MAP2: variants seen among roughly 807,000 people sequenced by gnomAD.
The protein encoded by MAP2 is microtubule associated protein 2, also known as microtubule-associated protein 2.
In MAP2, 14 loss-of-function variants were observed where a neutral mutation model predicts 137.6. The ratio of observed to expected loss-of-function variants is 0.10; its 90% confidence interval spans 0.07 to 0.16. The LOEUF is 0.16. Ranked by LOEUF, MAP2 falls within the 10% of genes least tolerant of loss-of-function variation. The pLI is 1.00. For missense variants in MAP2, 2,088 were observed against 2,191.5 expected (o/e 0.95, Z 0.94); for synonymous variants, 786 against 782.3 (o/e 1.00, Z -0.08).
intron 3 of MAP2, among the ~76,000 whole-genome samples, chr2:209,621,693 T>C (rs2091246493): frequency 6.6e-6 from 1 of 152,228 alleles, no homozygotes; most frequent in African/African-American, 2.4e-5. Context: ...TTGATGACTT[T>C]GTTGTTTAAT....
intron 1 of MAP2, among the ~76,000 whole-genome samples, chr2:209,466,071 G>A (rs368055809): frequency 5.3e-5 from 8 of 152,234 alleles, no homozygotes; most frequent in East Asian, 1.9e-4. Flanking sequence ...AACATTGAGC[G>A]GGCTGGTTTG....
chr2:209,703,096 AT>A lies in MAP2; in HGVS notation c.4585-2479del, dbSNP rs577869185. On this transcript the variant is annotated intron_variant, in intron 11 of 15. Transcript: ENST00000682079. ...ATCAACACCTGTAAATTAAGTCGTG[AT>A]TTTTATTGGCCATCTTTTCAGTCCT... Among the ~76,000 whole-genome samples the A allele has an allele frequency of 4.1e-3, 626 of 152,170 alleles. 11 individuals carry two copies. The highest frequency in any genetic ancestry group is 0.018 in the Admixed American group (282 of 15,252).
chr2:209,634,115 T>G (rs1017245535), intron 4 of MAP2, among the ~76,000 whole-genome samples: 1 of 152,136 alleles, frequency 6.6e-6, no homozygotes, highest in Non-Finnish European at 1.5e-5. Context: ...TGCAGGAAAT[T>G]CTTTCCTCAA....
At chr2:209,601,439 G>C (rs955050085) in intron 3 of MAP2, among the ~76,000 whole-genome samples, 1 of 151,964 alleles carries the variant, frequency 6.6e-6, no homozygotes, top group Non-Finnish European at 1.5e-5. Flanking sequence ...TTTTTAACTA[G>C]AGAGAAAAAT....
chr2:209,699,538 T>C (rs910669302), intron 10 of MAP2, among the ~76,000 whole-genome samples: 2 of 152,062 alleles, frequency 1.3e-5, no homozygotes, highest in African/African-American at 4.8e-5. Flanking sequence ...GATAATGGAG[T>C]TTAAAATTGA....
intron 4 of MAP2, among the ~76,000 whole-genome samples, chr2:209,650,943 G>A (rs188152568): frequency 6.6e-6 from 1 of 152,212 alleles, no homozygotes; most frequent in East Asian, 1.9e-4. Flanking sequence ...TCTTAATTAA[G>A]CTCTTTGGTA....
intron 2 of MAP2, among the ~76,000 whole-genome samples, chr2:209,574,594 C>A (rs533857213): frequency 6.6e-6 from 1 of 152,154 alleles, no homozygotes; most frequent in Non-Finnish European, 1.5e-5. Context: ...TACCCAATCC[C>A]GCATCCATGT....
At chr2:209,424,823 AAAAT>A in intron 1 of MAP2, among the ~76,000 whole-genome samples, 1 of 152,174 alleles carries the variant, frequency 6.6e-6, no homozygotes, top group Non-Finnish European at 1.5e-5. Flanking sequence ...AGGAAAATGA[AAAAT>A]AAATGCCTGG....
At chr2:209,657,577 T>G (rs954766837) in intron 5 of MAP2, among the ~76,000 whole-genome samples, 1 of 152,228 alleles carries the variant, frequency 6.6e-6, no homozygotes, top group African/African-American at 2.4e-5. Flanking sequence ...TTTGTGCATC[T>G]TCTTTTGAGA....
intron 1 of MAP2, among the ~76,000 whole-genome samples, chr2:209,490,574 A>C (rs1311352747): frequency 7.8e-6 from 1 of 127,590 alleles, no homozygotes; most frequent in Non-Finnish European, 1.6e-5. Flanking sequence ...AAATAAAGGG[A>C]TGGAGGAAGA....
chr2:209,667,517 CTGTACATGAAATACTGACAT>C (rs1238324069), intron 5 of MAP2, among the ~76,000 whole-genome samples: 1 of 151,794 alleles, frequency 6.6e-6, no homozygotes, highest in Non-Finnish European at 1.5e-5. Flanking sequence ...ATCAGGGCTC[CTGTACATGAAATACTGACAT>C]TGTAATTTCA....
At chr2:209,537,620 A>G (rs2066186973) in intron 2 of MAP2, among the ~76,000 whole-genome samples, 1 of 152,202 alleles carries the variant, frequency 6.6e-6, no homozygotes, top group African/African-American at 2.4e-5. Context: ...TACAGCCTTC[A>G]TCATCATTTA....
At chr2:209,465,720 A>C (rs559549325) in intron 1 of MAP2, among the ~76,000 whole-genome samples, 31 of 152,280 alleles carry the variant, frequency 2.0e-4, no homozygotes, top group Non-Finnish European at 4.1e-4. Flanking sequence ...TAGACTCCAT[A>C]GGAGTCTAAA....
At chr2:209,548,418 C>T (rs1305045234) in intron 2 of MAP2, among the ~76,000 whole-genome samples, 2 of 152,176 alleles carry the variant, frequency 1.3e-5, no homozygotes, top group Non-Finnish European at 2.9e-5. Flanking sequence ...ATTCTATCTT[C>T]TTTCTAAATA....
intron 4 of MAP2, among the ~76,000 whole-genome samples, chr2:209,630,532 A>G (rs2092890368): frequency 6.6e-6 from 1 of 152,152 alleles, no homozygotes; most frequent in Non-Finnish European, 1.5e-5. Flanking sequence ...TCCTATACCT[A>G]TGGGTGGGAA....
chr2:209,604,097 T>A (rs2083849938), intron 3 of MAP2, among the ~76,000 whole-genome samples: 1 of 152,166 alleles, frequency 6.6e-6, no homozygotes, highest in Non-Finnish European at 1.5e-5. Flanking sequence ...TCCATGAGAT[T>A]CACTGGATCT....
intron 2 of MAP2, among the ~76,000 whole-genome samples, chr2:209,560,502 T>G (rs564632626): frequency 5.4e-5 from 8 of 148,984 alleles, no homozygotes; most frequent in Admixed American, 3.4e-4. Flanking sequence ...TTTTTTGAGA[T>G]AGGGTGTCAT....
At chr2:209,540,938 C>G (rs935866486) in intron 2 of MAP2, among the ~76,000 whole-genome samples, 1 of 150,954 alleles carries the variant, frequency 6.6e-6, no homozygotes, top group African/African-American at 2.5e-5. Context: ...ACAATAGTTA[C>G]GTTTACACTA....
At chr2:209,558,591 T>G (rs1213540124) in intron 2 of MAP2, among the ~76,000 whole-genome samples, 1 of 151,302 alleles carries the variant, frequency 6.6e-6, no homozygotes, top group Non-Finnish European at 1.5e-5. Flanking sequence ...ACAATACTGT[T>G]ATCAGAGCCA....
Sources: allele counts gnomAD v4.1 joint callset (sites outside exome capture counted in the v4.1 genomes callset), GRCh38; gene constraint gnomAD v4.1.1; transcripts MANE v1.5; gene names NCBI Gene and HGNC (gene_info 2026-07-23, HGNC 2026-07-21).